The following RBM19 variants were observed in gnomAD, a reference collection of about 807,000 sequenced individuals.
The protein encoded by RBM19 is probable RNA-binding protein 19.
RBM19 carries 94 observed loss-of-function variants against 116.8 expected under a neutral mutation model. The observed-to-expected ratio is 0.80, with a 90% confidence interval of 0.68 to 0.95. RBM19 has a LOEUF of 0.95. Ranked by LOEUF, RBM19 falls within the 40% of genes least tolerant of loss-of-function variation. The pLI is 0.00. For missense variants in RBM19, 1,161 were observed against 1,220.7 expected (o/e 0.95, Z 0.73); for synonymous variants, 475 against 494.1 (o/e 0.96, Z 0.51).
In RBM19 at chr12:113,940,019, C is replaced by A. The variant is rs757063191; in HGVS notation, c.1879G>T (p.Val627Leu). Reference protein sequence around the residue: ...LLPEGGITAIVEFLEPLEARK... With the variant: ...LLPEGGITAILEFLEPLEARK... ...GCCTCCAGGGGCTCCAGGAACTCCA[C>A]GATGGCAGTGATTCCGCCCTCTGGC... The change falls in exon 15 of 24, where the codon GTG becomes TTG. Residue 627 changes from valine to leucine, a missense_variant. Physicochemically the swap from Val to Leu is conservative, Grantham distance 32. Transcript: ENST00000261741. 3.5e-5 allele frequency: 57 copies of A among 1,614,130 alleles called. No homozygotes were observed. The highest frequency in any genetic ancestry group is 4.7e-5 in the Non-Finnish European group (55 of 1,180,008).
chr12:113,918,884 T>G (rs530329760), intron 19 of RBM19, among the ~76,000 whole-genome samples: 53 of 152,210 alleles, frequency 3.5e-4, no homozygotes, highest in Non-Finnish European at 6.0e-4. Flanking sequence ...AGAACTGGTG[T>G]ATTAGCAAAA....
At chr12:113,870,044 C>CATGAAGAT (rs1879106916) in intron 21 of RBM19, among the ~76,000 whole-genome samples, 1 of 152,160 alleles carries the variant, frequency 6.6e-6, no homozygotes, top group Admixed American at 6.5e-5. Context: ...CTGGGGTTGC[C>CATGAAGAT]ATGAAGATGA....
intron 21 of RBM19, among the ~76,000 whole-genome samples, chr12:113,861,718 A>G (rs1878413569): frequency 6.6e-6 from 1 of 152,150 alleles, no homozygotes; most frequent in Non-Finnish European, 1.5e-5. Context: ...AACGCTGTTG[A>G]GGAGAGGCTA....
intron 21 of RBM19, among the ~76,000 whole-genome samples, chr12:113,881,570 G>A (rs1460778640): frequency 6.6e-6 from 1 of 152,232 alleles, no homozygotes; most frequent in Non-Finnish European, 1.5e-5. Context: ...AGAGCCTGGA[G>A]TGTCTTTCTT....
chr12:113,917,840 G>A (rs1452669628), intron 20 of RBM19, among the ~76,000 whole-genome samples: 1 of 152,208 alleles, frequency 6.6e-6, no homozygotes. Context: ...AGAAATGGAG[G>A]TGCAAAGATA....
At chr12:113,950,508 C>A (rs919127042) in intron 8 of RBM19, among the ~76,000 whole-genome samples, 2 of 152,256 alleles carry the variant, frequency 1.3e-5, no homozygotes. Flanking sequence ...AGCATGAGGA[C>A]CCACCTAGGC....
At chr12:113,937,730 T>C (rs1870197715) in intron 15 of RBM19, among the ~76,000 whole-genome samples, 1 of 140,754 alleles carries the variant, frequency 7.1e-6, no homozygotes, top group African/African-American at 2.7e-5. Context: ...ATTCTGCCAC[T>C]GCACTCCAGG....
At chr12:113,849,832 C>T (rs1344109723) in intron 22 of RBM19, among the ~76,000 whole-genome samples, 45 of 152,330 alleles carry the variant, frequency 3.0e-4, no homozygotes, top group East Asian at 1.9e-4. Flanking sequence ...CCTCCTCCCC[C>T]ATCCTCTACG....
rs1271505241 is a variant in RBM19 at position 113,959,341 on chromosome 12, T to C, written c.442A>G (p.Thr148Ala). 1.2e-6 allele frequency: 2 copies of C among 1,613,512 alleles called. No individual in the cohort carries two copies. Among genetic ancestry groups the C allele is most frequent in the Admixed American group, 3.3e-5 (2 of 59,998 alleles). The change falls in exon 5 of 24, where the codon ACT becomes GCT. Residue 148 changes from threonine (T) to alanine (A), a missense_variant. Transcript: ENST00000261741. ...SVHQRRAQAA[T>A]WANDGLDAEP... Reference sequence around the variant, plus strand: ...GCATCCAGGCCATCATTCGCCCAAGTGGCTGCCTGCGCCCGCCTCTGATGA... The same window carrying C: ...GCATCCAGGCCATCATTCGCCCAAGCGGCTGCCTGCGCCCGCCTCTGATGA...
intron 21 of RBM19, among the ~76,000 whole-genome samples, chr12:113,882,178 A>G (rs1880184776): frequency 6.6e-6 from 1 of 152,224 alleles, no homozygotes; most frequent in South Asian, 2.1e-4. Context: ...TAGGAGAGAT[A>G]GGTGCTGGGA....
rs757805858 is a variant in RBM19, at chr12:113,858,821, A to G, written c.2634T>C (p.Phe878=). The change falls in exon 22 of 24, where the codon TTT becomes TTC. Residue 878 remains phenylalanine, a synonymous_variant. Transcript: ENST00000261741. The part of the protein sequence containing the change: ...TGTGTHRGFG[F]VDFLTKQDAK... ...CATCCTGCTTGGTGAGGAAGTCCAC[A>G]AAGCCGAAGCCTCTGTGTGTGCCTG... 1 of 1,614,152 alleles carries G rather than the reference A, an allele frequency of 6.2e-7. No homozygotes were observed. The highest frequency in any genetic ancestry group is 1.1e-5 in the South Asian group (1 of 91,080).
intron 9 of RBM19, among the ~76,000 whole-genome samples, chr12:113,949,474 G>A (rs1871304470): frequency 6.6e-6 from 1 of 152,234 alleles, no homozygotes; most frequent in East Asian, 1.9e-4. Context: ...GCACTACTAG[G>A]TGCTCAATAA....
At chr12:113,846,735 G>T (rs1001466678) in intron 22 of RBM19, among the ~76,000 whole-genome samples, 2 of 152,122 alleles carry the variant, frequency 1.3e-5, no homozygotes, top group Non-Finnish European at 2.9e-5. Flanking sequence ...TGTGTTTTGA[G>T]GCAAGGTCTC....
At chr12:113,870,369 A>G (rs1879127801) in intron 21 of RBM19, among the ~76,000 whole-genome samples, 1 of 152,154 alleles carries the variant, frequency 6.6e-6, no homozygotes, top group Non-Finnish European at 1.5e-5. Flanking sequence ...AAAGGGCCCT[A>G]TCAATTTATT....
At chr12:113,916,401 C>T (rs1044665574) in intron 20 of RBM19, among the ~76,000 whole-genome samples, 3 of 152,188 alleles carry the variant, frequency 2.0e-5, no homozygotes, top group East Asian at 1.9e-4. Flanking sequence ...GGTGAGACTC[C>T]GTCTCAAAAA....
rs565193337 is a variant in RBM19 at position 113,843,075 on chromosome 12, G to A, written c.2785+1593C>T. ...TGCAGTCCTGCTGCATTGCTGAGAC[G>A]CTGCTTCTCAGAAGCCCAGTCGTTT... On this transcript the variant is annotated intron_variant, in intron 23 of 23. Transcript: ENST00000261741. Among the ~76,000 whole-genome samples the A allele has an allele frequency of 2.6e-5, 4 of 152,334 alleles. No homozygotes were observed. The East Asian group carries it at 7.7e-4, about 29-fold the overall frequency.
At chr12:113,848,368 G>A (rs575545363) in intron 22 of RBM19, among the ~76,000 whole-genome samples, 1 of 152,226 alleles carries the variant, frequency 6.6e-6, no homozygotes, top group Non-Finnish European at 1.5e-5. Flanking sequence ...TATGAAATCA[G>A]GTTGCATTCC....
intron 21 of RBM19, among the ~76,000 whole-genome samples, chr12:113,874,967 T>C (rs1879551434): frequency 6.6e-6 from 1 of 152,228 alleles, no homozygotes; most frequent in African/African-American, 2.4e-5. Flanking sequence ...GGGGTACAGA[T>C]TGGGGTGTAC....
intron 23 of RBM19, among the ~76,000 whole-genome samples, chr12:113,838,138 C>T (rs1876125036): frequency 6.6e-6 from 1 of 152,232 alleles, no homozygotes; most frequent in Admixed American, 6.5e-5. Context: ...CAGCTCAGGA[C>T]ACTGGGAGGG....
Sources: gnomAD v4.1 joint callset for allele counts (sites outside exome capture counted in the v4.1 genomes callset) on GRCh38, gnomAD v4.1.1 for gene constraint, MANE v1.5 for transcripts, NCBI Gene and HGNC (gene_info 2026-07-23, HGNC 2026-07-21) for gene names.